The following BMPER variants were observed in gnomAD, a reference collection of about 807,000 sequenced individuals.
BMPER encodes the protein BMP-binding endothelial regulator protein.
A neutral mutation model predicts 87.3 loss-of-function variants in BMPER; 45 were observed. That is an observed-to-expected ratio of 0.52 (90% CI 0.41 to 0.66). BMPER has a LOEUF of 0.66. Among genes scored for constraint, BMPER ranks in the 30% least tolerant of loss-of-function variants. The pLI is 0.00. For missense variants in BMPER, 784 were observed against 867.5 expected, an observed-to-expected ratio of 0.90 and a Z score of 1.21; for synonymous variants, 326 against 316.2, an observed-to-expected ratio of 1.03 and a Z score of -0.33.
intron 13 of BMPER, among the ~76,000 whole-genome samples, chr7:34,115,800 T>C (rs1790103853): frequency 6.6e-6 from 1 of 152,240 alleles, no homozygotes; most frequent in South Asian, 2.1e-4. Context: ...TAATACCGTG[T>C]ACATGTATTT....
intron 13 of BMPER, among the ~76,000 whole-genome samples, chr7:34,104,300 C>T (rs538859131): frequency 7.9e-5 from 12 of 152,168 alleles, no homozygotes; most frequent in Non-Finnish European, 1.5e-4. Flanking sequence ...GACAGCTTCC[C>T]TCAAGAGAGA....
At chr7:33,905,419 G>A, upstream of BMPER, 1 of 110,386 alleles carries the variant, frequency 9.1e-6, no homozygotes, top group Non-Finnish European at 1.8e-5. Context: ...CTCCCCGGGC[G>A]CCCCCACACC....
At chr7:34,023,017 A>C (rs1386187128) in intron 6 of BMPER, among the ~76,000 whole-genome samples, 2 of 152,192 alleles carry the variant, frequency 1.3e-5, no homozygotes, top group East Asian at 3.9e-4. Flanking sequence ...AGAAGGCTAC[A>C]GGGAAGGGTA....
At position 34,086,091 on chromosome 7, in the gene BMPER, C is replaced by T. The variant is rs138648093; in HGVS notation, c.1744C>T (p.Arg582Trp). The T allele has an allele frequency of 3.9e-5, 63 of 1,613,504 alleles. No individual in the cohort carries two copies. Among genetic ancestry groups the T allele is most frequent in the African/African-American group, 1.9e-4 (14 of 74,932 alleles). Residue 582 changes from arginine to tryptophan, a missense_variant and splice_region_variant, in exon 13 of 15, where the codon CGG (arginine) becomes TGG (tryptophan). Arg to Trp is a moderately radical substitution (Grantham distance 101). Coordinates refer to ENST00000649409, the MANE Select transcript of BMPER (RefSeq NM_001365308.1). ...HSTVDYATFY[R>W]SCVTDMCECP... The stretch of plus-strand genomic sequence containing the variant: ...GACTGTGGACTACGCCACTTTCTAC[C>T]GGTAAGTACAGTGTTCTGGGGAATG...
intron 13 of BMPER, among the ~76,000 whole-genome samples, chr7:34,103,676 G>A (rs973982308): frequency 1.3e-5 from 2 of 152,180 alleles, no homozygotes; most frequent in Admixed American, 6.5e-5. Context: ...TTTTAAAATA[G>A]CTTCTCTTTA....
At chr7:34,019,459 C>T (rs549608551) in intron 6 of BMPER, among the ~76,000 whole-genome samples, 24 of 152,082 alleles carry the variant, frequency 1.6e-4, no homozygotes, top group East Asian at 3.9e-4. Context: ...TCCTCTGATC[C>T]GCATCATTTA....
chr7:34,004,671 C>T (rs921033701), intron 6 of BMPER, among the ~76,000 whole-genome samples: 11 of 152,212 alleles, frequency 7.2e-5, no homozygotes, highest in East Asian at 1.9e-4. Flanking sequence ...TGACTCTGCT[C>T]GGTTAGTTCA....
rs760098901 is a variant in BMPER, at chr7:34,156,260, A to G, written c.*2987A>G. Among the ~76,000 whole-genome samples the G allele has an allele frequency of 2.6e-5, 4 of 152,088 alleles. No homozygotes were observed. The highest frequency in any genetic ancestry group is 5.9e-5 in the Non-Finnish European group (4 of 68,030). ...ACGGATAAACCATTTCAACTGGAAA[A>G]CTCTTCCTTTTTATGAGATATTTCA... is the stretch of plus-strand genomic sequence containing the variant. On this transcript the variant is annotated 3_prime_UTR_variant, in exon 15 of 15. Coordinates refer to ENST00000649409, the MANE Select transcript of BMPER (RefSeq NM_001365308.1).
At chr7:33,973,967 A>G (rs535299122) in intron 5 of BMPER, among the ~76,000 whole-genome samples, 1 of 152,226 alleles carries the variant, frequency 6.6e-6, no homozygotes, top group African/African-American at 2.4e-5. Context: ...TGGTCCTATT[A>G]TTAGCTCAAA....
At chr7:34,066,210 T>C (rs1266014652) in intron 11 of BMPER, among the ~76,000 whole-genome samples, 1 of 152,202 alleles carries the variant, frequency 6.6e-6, no homozygotes, top group Non-Finnish European at 1.5e-5. Flanking sequence ...AATGGTAATT[T>C]ACAATTTTGT....
chr7:34,156,326 A>T lies in BMPER; in HGVS notation c.*3053A>T, dbSNP rs57211072. Among the ~76,000 whole-genome samples the T allele has an allele frequency of 0.09, 13,740 of 152,224 alleles. 1,361 individuals are homozygous for T. Among genetic ancestry groups the T allele is most frequent in the African/African-American group, 0.25 (10,380 of 41,470 alleles). ...ATAGAGAAAAATGTTGCAAACATCC[A>T]TGACTACATTACCCTAATTAAGAAA... On this transcript the variant is annotated 3_prime_UTR_variant, in exon 15 of 15. Coordinates refer to ENST00000649409, the MANE Select transcript of BMPER (RefSeq NM_001365308.1).
At chr7:34,078,329 G>A in intron 11 of BMPER, among the ~76,000 whole-genome samples, 1 of 152,114 alleles carries the variant, frequency 6.6e-6, no homozygotes, top group African/African-American at 2.4e-5. Flanking sequence ...CTGTTTGGCA[G>A]TTCTATTGAT....
At chr7:34,129,635 A>G (rs188836366) in intron 13 of BMPER, among the ~76,000 whole-genome samples, 5 of 147,624 alleles carry the variant, frequency 3.4e-5, no homozygotes, top group Admixed American at 6.7e-5. Flanking sequence ...AAAGAGAGAA[A>G]GAAAGAAAGA....
At chr7:34,038,410 C>A (rs1305524165) in intron 6 of BMPER, among the ~76,000 whole-genome samples, 3 of 152,148 alleles carry the variant, frequency 2.0e-5, no homozygotes, top group African/African-American at 7.2e-5. Flanking sequence ...TCTAGAGCCT[C>A]CAGAAGGAAT....
In BMPER at chr7:34,061,994, C is replaced by G; in HGVS notation, c.1033-8C>G. ...CAGTAACTTTGTATTTGTTTTTCTT[C>G]TGATTAGGGCAAAATTCTCAACAGA... On this transcript the variant is annotated splice_region_variant and splice_polypyrimidine_tract_variant and intron_variant, in intron 10 of 14. Coordinates refer to ENST00000649409, the MANE Select transcript of BMPER (RefSeq NM_001365308.1). 6.8e-7 allele frequency: 1 copy of G among 1,460,776 alleles called. No individual in the cohort carries two copies. Among genetic ancestry groups the G allele is most frequent in the Non-Finnish European group, 9.2e-7 (1 of 1,084,878 alleles). 90.5% of individuals were successfully genotyped at this position (1,460,776 alleles called of 1,614,324 possible). A position where few individuals can be genotyped will look rare whatever the true frequency, so the allele number is the denominator to read the frequency against.
At chr7:33,934,629 A>G (rs1407593384) in intron 2 of BMPER, among the ~76,000 whole-genome samples, 1 of 151,908 alleles carries the variant, frequency 6.6e-6, no homozygotes, top group Non-Finnish European at 1.5e-5. Flanking sequence ...GGATCCTGTT[A>G]TGGATTTTGA....
chr7:34,027,895 T>C (rs896995348), intron 6 of BMPER, among the ~76,000 whole-genome samples: 5 of 152,244 alleles, frequency 3.3e-5, no homozygotes, highest in Non-Finnish European at 5.9e-5. Flanking sequence ...TAATGAAGTA[T>C]ACCAATATTT....
chr7:34,086,162 G>T, intron 13 of BMPER, 70 bp downstream of exon 13: 2 of 1,522,638 alleles, frequency 1.3e-6, no homozygotes, highest in South Asian at 2.3e-5. Context: ...GGAACATGGT[G>T]TATGAAATCT....
chr7:34,044,039 G>C (rs1787896774), intron 6 of BMPER, among the ~76,000 whole-genome samples: 1 of 152,190 alleles, frequency 6.6e-6, no homozygotes. Flanking sequence ...ACTTTCTTTG[G>C]AGGCATTAAT....
Sources: allele counts gnomAD v4.1 joint callset (sites outside exome capture counted in the v4.1 genomes callset), GRCh38; gene constraint gnomAD v4.1.1; transcripts MANE v1.5; gene names NCBI Gene and HGNC (gene_info 2026-07-23, HGNC 2026-07-21).